AK9: variants seen among roughly 807,000 people sequenced by gnomAD.
AK9 encodes the protein adenylate kinase 9.
A neutral mutation model predicts 239.6 loss-of-function variants in AK9; 191 were observed. That is an observed-to-expected ratio of 0.80 (90% CI 0.71 to 0.90). AK9 has a LOEUF of 0.90. Among genes scored for constraint, AK9 ranks in the 40% least tolerant of loss-of-function variants. The pLI is 0.00. For missense variants in AK9, 1,995 were observed against 2,214.7 expected (o/e 0.90, Z 1.99); for synonymous variants, 689 against 721.0 (o/e 0.96, Z 0.71).
intron 15 of AK9, among the ~76,000 whole-genome samples, chr6:109,613,102 C>T (rs1793768431): frequency 6.6e-6 from 1 of 150,446 alleles, no homozygotes; most frequent in South Asian, 2.1e-4. Flanking sequence ...CTCTCAGACA[C>T]TTAATATATA....
chr6:109,550,055 T>C (rs1461933884), intron 25 of AK9, 35 bp downstream of exon 25: 16 of 1,597,616 alleles, frequency 1.0e-5, no homozygotes, highest in Non-Finnish European at 1.4e-5. Context: ...AAAAATCCTG[T>C]GGGAGCAATC....
chr6:109,597,729 C>T (rs1363111786), intron 17 of AK9, among the ~76,000 whole-genome samples: 1 of 151,580 alleles, frequency 6.6e-6, no homozygotes, highest in African/African-American at 2.4e-5. Context: ...AGAAATAATT[C>T]AACTGGGGGG....
chr6:109,566,754 C>T (rs539473579), intron 21 of AK9, among the ~76,000 whole-genome samples: 1 of 152,012 alleles, frequency 6.6e-6, no homozygotes, highest in South Asian at 2.1e-4. Context: ...GATGAAAAAC[C>T]ACCTATAGGG....
Position 109,612,092 on chromosome 6 carries a change from A to G in AK9, c.1611T>C (p.Asp537=). The change falls in exon 16 of 41, where the codon GAT becomes GAC. Residue 537 remains aspartate (D), a splice_region_variant and synonymous_variant. Coordinates refer to ENST00000424296, the MANE Select transcript of AK9 (RefSeq NM_001145128.3). ...HDQAAKVDKD[D]GKETGETFTF... Reference sequence around the variant, plus strand: ...TGAATGTTTCACCAGTTTCTTTTCCATCTGTGAATAAAACATTGTGAATGC... The same window carrying G: ...TGAATGTTTCACCAGTTTCTTTTCCGTCTGTGAATAAAACATTGTGAATGC... 1.3e-6 allele frequency: 2 copies of G among 1,526,992 alleles called. No individual in the cohort carries two copies. Among genetic ancestry groups the G allele is most frequent in the Middle Eastern group, 3.4e-4 (2 of 5,922 alleles). 94.6% of individuals were successfully genotyped at this position (1,526,992 alleles called of 1,614,324 possible). A position where few individuals can be genotyped will look rare whatever the true frequency, so the allele number is the denominator to read the frequency against.
At chr6:109,520,821 C>T (rs1375822743) in intron 29 of AK9, among the ~76,000 whole-genome samples, 1 of 152,104 alleles carries the variant, frequency 6.6e-6, no homozygotes, top group Non-Finnish European at 1.5e-5. Flanking sequence ...AGATTTTTCA[C>T]TTCCTTGGTT....
intron 24 of AK9, among the ~76,000 whole-genome samples, chr6:109,559,165 C>CTT (rs1785394915): frequency 2.6e-5 from 2 of 76,734 alleles, no homozygotes; most frequent in African/African-American, 7.8e-5. Context: ...GTATATCTAT[C>CTT]TGTTTTTTTT....
intron 8 of AK9, among the ~76,000 whole-genome samples, chr6:109,654,062 G>T (rs192215856): frequency 6.6e-6 from 1 of 152,048 alleles, no homozygotes; most frequent in African/African-American, 2.4e-5. Context: ...CTTTTCTCAT[G>T]ACTCAAGGAT....
chr6:109,516,877 T>C (rs1779330518), intron 29 of AK9, among the ~76,000 whole-genome samples: 1 of 152,210 alleles, frequency 6.6e-6, no homozygotes, highest in Non-Finnish European at 1.5e-5. Context: ...TTAGGTAGAC[T>C]ATTTCTTCTA....
At chr6:109,619,869 T>C (rs1429577108) in intron 12 of AK9, among the ~76,000 whole-genome samples, 1 of 152,144 alleles carries the variant, frequency 6.6e-6, no homozygotes, top group Non-Finnish European at 1.5e-5. Flanking sequence ...TCTGTAGCTA[T>C]AAATTAGTTT....
chr6:109,670,727 A>G (rs983842509), intron 5 of AK9, among the ~76,000 whole-genome samples: 1 of 152,124 alleles, frequency 6.6e-6, no homozygotes, highest in African/African-American at 2.4e-5. Flanking sequence ...ACCTATATAC[A>G]TATCTGTTTC....
chr6:109,682,856 C>G (rs1772882343), intron 1 of AK9, among the ~76,000 whole-genome samples: 1 of 152,140 alleles, frequency 6.6e-6, no homozygotes, highest in Non-Finnish European at 1.5e-5. Flanking sequence ...TGAAACTATT[C>G]CAATCAATAG....
chr6:109,562,958 C>T (rs539310629), intron 24 of AK9, among the ~76,000 whole-genome samples: 53 of 152,220 alleles, frequency 3.5e-4, no homozygotes, highest in Non-Finnish European at 7.2e-4. Context: ...ATCCTTTAGC[C>T]ATCCCAAAGA....
chr6:109,679,697 C>T (rs1044881952), intron 1 of AK9, among the ~76,000 whole-genome samples: 4 of 152,188 alleles, frequency 2.6e-5, no homozygotes, highest in African/African-American at 9.6e-5. Flanking sequence ...ACACCTCATA[C>T]AGGAGAGCTC....
At chr6:109,603,133 A>C (rs890243175) in intron 17 of AK9, among the ~76,000 whole-genome samples, 1 of 152,044 alleles carries the variant, frequency 6.6e-6, no homozygotes, top group South Asian at 2.1e-4. Context: ...ATCCCTTTGG[A>C]GGGGGAGAGG....
intron 24 of AK9, among the ~76,000 whole-genome samples, chr6:109,553,704 G>C (rs1784626799): frequency 6.6e-6 from 1 of 152,060 alleles, no homozygotes; most frequent in African/African-American, 2.4e-5. Flanking sequence ...TCTTTATCTT[G>C]CCTGATTGTC....
intron 17 of AK9, 80 bp from the exon 18 acceptor site, chr6:109,586,152 T>A: frequency 4.1e-6 from 5 of 1,215,036 alleles, no homozygotes; most frequent in Non-Finnish European, 5.5e-6. Flanking sequence ...TTTTTGTGGA[T>A]CTTAAACAAG....
At chr6:109,625,343 G>A (rs1795389845) in intron 12 of AK9, among the ~76,000 whole-genome samples, 1 of 152,122 alleles carries the variant, frequency 6.6e-6, no homozygotes, top group African/African-American at 2.4e-5. Flanking sequence ...TTTTCTGATT[G>A]CCATTGCTTC....
At chr6:109,577,935 CTT>C (rs1206862246) in intron 20 of AK9, among the ~76,000 whole-genome samples, 1 of 141,420 alleles carries the variant, frequency 7.1e-6, no homozygotes, top group African/African-American at 2.6e-5. Flanking sequence ...TTCTTCCTTT[CTT>C]TCTCTTTTTT....
In AK9 at chr6:109,603,116, G is replaced by A. The variant is rs189968209; in HGVS notation, c.1842+7249C>T. ...CCAGCTTTGTTCCGTTGCTGGCAAG[G>A]AGCTGCATCCCTTTGGAGGGGGAGA... On this transcript the variant is annotated intron_variant, in intron 17 of 40. Transcript: ENST00000424296. Among the ~76,000 whole-genome samples, 20 of 152,328 alleles carry A rather than the reference G, an allele frequency of 1.3e-4. No individual in the cohort carries two copies. In the East Asian group the frequency reaches 3.9e-3, roughly 29 times the overall value.
Sources: allele counts gnomAD v4.1 joint callset (sites outside exome capture counted in the v4.1 genomes callset), GRCh38; gene constraint gnomAD v4.1.1; transcripts MANE v1.5; gene names NCBI Gene and HGNC (gene_info 2026-07-23, HGNC 2026-07-21).